CLUL1: variants seen among roughly 807,000 people sequenced by gnomAD.
CLUL1 encodes clusterin like 1.
In CLUL1, 43 loss-of-function variants were observed where a neutral mutation model predicts 49.4. The ratio of observed to expected loss-of-function variants is 0.87; its 90% CI spans 0.68 to 1.12. The LOEUF is 1.12. Ranked by LOEUF, CLUL1 falls within the 50% of genes most tolerant of loss-of-function variation. The pLI, the probability that CLUL1 is intolerant of heterozygous loss-of-function variation, is 0.00. For missense variants in CLUL1, 486 were observed against 544.4 expected, an observed-to-expected ratio of 0.89 and a Z score of 1.07; for synonymous variants, 192 against 184.9, an observed-to-expected ratio of 1.04 and a Z score of -0.31.
chr18:642,925 C>G (rs1489588810), intron 8 of CLUL1, among the ~76,000 whole-genome samples: 1 of 152,122 alleles, frequency 6.6e-6, no homozygotes, highest in Non-Finnish European at 1.5e-5. Context: ...TTCCTCATCC[C>G]CTTAAAAGTT....
intron 4 of CLUL1, among the ~76,000 whole-genome samples, chr18:622,591 T>C (rs66517535): frequency 0.2 from 30,675 of 152,208 alleles, 3,066 homozygotes; most frequent in Middle Eastern, 0.25. Flanking sequence ...GAATGTTTAC[T>C]AGACAGAGGT....
chr18:610,309 G>A (rs142275590), intron 2 of CLUL1, among the ~76,000 whole-genome samples: 3 of 152,216 alleles, frequency 2.0e-5, no homozygotes, highest in African/African-American at 7.2e-5. Context: ...CATTCATGTG[G>A]GCCTTTATAA....
intron 9 of CLUL1, among the ~76,000 whole-genome samples, chr18:649,298 T>C (rs775272121): frequency 6.6e-6 from 1 of 152,204 alleles, no homozygotes; most frequent in Non-Finnish European, 1.5e-5. Context: ...GAAACATGAA[T>C]TCCAATTTTA....
chr18:645,871 G>T (rs2074491207), intron 9 of CLUL1, among the ~76,000 whole-genome samples: 1 of 121,774 alleles, frequency 8.2e-6, no homozygotes, highest in African/African-American at 3.1e-5. Context: ...TACTCTTAAT[G>T]TGTAAAAACA....
chr18:597,010 G>A lies in CLUL1; in HGVS notation c.-255G>A, dbSNP rs540012461. 5.9e-5 allele frequency: 9 copies of A among 152,606 alleles called. No homozygotes were observed. The highest frequency in any genetic ancestry group is 3.3e-4 in the Admixed American group (5 of 15,290). The allele number at this position is 152,606 out of a possible 1,614,324, so 9.5% of individuals were successfully genotyped here. A position where few individuals can be genotyped will look rare whatever the true frequency, so the allele number is the denominator to read the frequency against. On this transcript the variant is annotated 5_prime_UTR_variant, in exon 1 of 10. Transcript: ENST00000692774. ...CCCACCCTGCGTCACCTGCAGGCCC[G>A]GGCCGCGGGGTTGGTTTCCACCCTG...
chr18:647,031 A>G (rs954997954), intron 9 of CLUL1, among the ~76,000 whole-genome samples: 4 of 152,104 alleles, frequency 2.6e-5, no homozygotes, highest in Admixed American at 1.3e-4. Flanking sequence ...GATCACAGGC[A>G]TGAGCCACCA....
intron 1 of CLUL1, among the ~76,000 whole-genome samples, chr18:599,259 C>G (rs1385119608): frequency 6.6e-6 from 1 of 152,068 alleles, no homozygotes; most frequent in Admixed American, 6.6e-5. Flanking sequence ...AGAACAGAGA[C>G]CTGGGTTAGA....
intron 4 of CLUL1, among the ~76,000 whole-genome samples, chr18:623,188 A>G (rs2073555076): frequency 6.6e-6 from 1 of 152,084 alleles, no homozygotes; most frequent in Non-Finnish European, 1.5e-5. Flanking sequence ...ACCCACCATC[A>G]TGACCAGCTA....
chr18:639,800 GAAA>G (rs920288738), intron 7 of CLUL1, among the ~76,000 whole-genome samples: 1 of 151,514 alleles, frequency 6.6e-6, no homozygotes, highest in African/African-American at 2.4e-5. Context: ...AAAAGAAAAA[GAAA>G]AAAGAAATGG....
rs750072502 is a variant in CLUL1 at position 625,032 on chromosome 18, G to T, written c.423G>T (p.Lys141Asn). Residue 141 changes from lysine (K) to asparagine (N), a missense_variant and splice_region_variant, in exon 5 of 10, where the codon AAG becomes AAT. Lys to Asn is a moderately conservative substitution (Grantham distance 94). Coordinates refer to ENST00000692774, the MANE Select transcript of CLUL1 (RefSeq NM_001393344.1). ...CQPSWSSVKN[K>N]IERFFRKIYQ... ...CTAGCTGGTCCTCTGTGAAAAATAA[G>T]GTAAGAGAAAAAGAGAGCTCAAGAT... 21 of 1,613,266 alleles carry T rather than the reference G, an allele frequency of 1.3e-5. No individual in the cohort carries two copies. Among genetic ancestry groups the T allele is most frequent in the Non-Finnish European group, 1.8e-5 (21 of 1,179,772 alleles).
chr18:625,518 AACACACACACACAC>A (rs3221054), intron 5 of CLUL1, among the ~76,000 whole-genome samples: 7 of 144,632 alleles, frequency 4.8e-5, no homozygotes, highest in South Asian at 4.5e-4. Context: ...CCTTATGCAT[AACACACACACACAC>A]ACACACACAC....
In CLUL1 at chr18:622,387, G is replaced by A. The variant is rs567031179; in HGVS notation, c.256-2478G>A. Among the ~76,000 whole-genome samples the A allele has an allele frequency of 2.6e-5, 4 of 152,272 alleles. No individual in the cohort carries two copies. In the East Asian group the frequency reaches 7.7e-4, roughly 29 times the overall value. On this transcript the variant is annotated intron_variant, in intron 4 of 9. Transcript: ENST00000692774. Reference sequence around the variant, plus strand: ...GCTCAGGCTGGTCTTGAACTCCTGGGCTCAAGGGATCCTCCTGCCTCACTT... The same window carrying A: ...GCTCAGGCTGGTCTTGAACTCCTGGACTCAAGGGATCCTCCTGCCTCACTT...
intron 7 of CLUL1, among the ~76,000 whole-genome samples, chr18:636,621 TC>T (rs2074143019): frequency 7.4e-6 from 1 of 134,962 alleles, no homozygotes; most frequent in African/African-American, 2.8e-5. Context: ...ACTCCCTTTC[TC>T]TCTTTTTTTT....
At chr18:599,019 C>A (rs2072741699) in intron 1 of CLUL1, among the ~76,000 whole-genome samples, 1 of 152,092 alleles carries the variant, frequency 6.6e-6, no homozygotes. Context: ...TAGCTAGTAC[C>A]ATTCAACAAG....
intron 7 of CLUL1, among the ~76,000 whole-genome samples, chr18:638,527 G>A (rs1367114794): frequency 1.3e-5 from 2 of 152,128 alleles, no homozygotes; most frequent in Non-Finnish European, 2.9e-5. Context: ...GCTTAAAACT[G>A]TTATTATAAA....
At chr18:625,339 A>G (rs1365067048) in intron 5 of CLUL1, among the ~76,000 whole-genome samples, 1 of 152,050 alleles carries the variant, frequency 6.6e-6, no homozygotes, top group Non-Finnish European at 1.5e-5. Context: ...ATCATATCTT[A>G]TTTGTCTTCA....
At position 641,426 on chromosome 18, in the gene CLUL1, G is replaced by A. The variant is rs550299496; in HGVS notation, c.1094G>A (p.Arg365Gln). ...TATGGCCAGATTCTCCAGATGACCC[G>A]GAAGCACTTGGAGGACACCGCCTAT... ...QQYGQILQMT[R>Q]KHLEDTAYLV... The change falls in exon 8 of 10, where the codon CGG (arginine) becomes CAG (glutamine). Residue 365 changes from arginine (R) to glutamine (Q), a missense_variant. Physicochemically the swap from Arg to Gln is conservative, Grantham distance 43. Coordinates refer to ENST00000692774, the MANE Select transcript of CLUL1 (RefSeq NM_001393344.1). 28 of 1,614,184 alleles carry A rather than the reference G, an allele frequency of 1.7e-5. No homozygotes were observed. The highest frequency in any genetic ancestry group is 1.6e-4 in the Middle Eastern group (1 of 6,062).
chr18:632,023 G>C (rs568956155), intron 6 of CLUL1, among the ~76,000 whole-genome samples: 2 of 152,100 alleles, frequency 1.3e-5, no homozygotes, highest in African/African-American at 4.8e-5. Flanking sequence ...TTAAACTATG[G>C]ACTTTGCAAT....
intron 1 of CLUL1, among the ~76,000 whole-genome samples, chr18:598,830 T>A (rs1336175783): frequency 6.6e-6 from 1 of 152,194 alleles, no homozygotes; most frequent in African/African-American, 2.4e-5. Context: ...AAGCACCCCC[T>A]CTTTCTTTTT....
Sources: allele counts gnomAD v4.1 joint callset (sites outside exome capture counted in the v4.1 genomes callset), GRCh38; gene constraint gnomAD v4.1.1; transcripts MANE v1.5; gene names NCBI Gene and HGNC (gene_info 2026-07-23, HGNC 2026-07-21).